DNAAF11: variants seen among roughly 807,000 people sequenced by gnomAD.
DNAAF11 encodes leucine rich repeat containing 6.
DNAAF11 carries 45 observed loss-of-function variants against 60.8 expected under a neutral mutation model. That is an observed-to-expected ratio of 0.74 (90% CI 0.58 to 0.95). The LOEUF (loss-of-function observed/expected upper bound fraction) is 0.95. DNAAF11 is among the 40% of genes least tolerant of loss of function. DNAAF11 has a pLI of 0.00. For missense variants in DNAAF11, 546 were observed against 546.2 expected, an observed-to-expected ratio of 1.00 and a Z score of 0.00; for synonymous variants, 191 against 183.5, an observed-to-expected ratio of 1.04 and a Z score of -0.33.
chr8:132,674,169 G>A (rs979411140), intron 1 of DNAAF11, among the ~76,000 whole-genome samples: 1 of 139,462 alleles, frequency 7.2e-6, no homozygotes, highest in Non-Finnish European at 1.6e-5. Flanking sequence ...GAAGGAGAAG[G>A]AGGAGGAGGA....
chr8:132,575,666 C>G (rs1814670111), intron 11 of DNAAF11, among the ~76,000 whole-genome samples: 1 of 152,172 alleles, frequency 6.6e-6, no homozygotes, highest in African/African-American at 2.4e-5. Context: ...AACTTGGCAT[C>G]TGGCACTGGG....
At chr8:132,665,838 A>G (rs1824572359) in intron 1 of DNAAF11, among the ~76,000 whole-genome samples, 1 of 152,256 alleles carries the variant, frequency 6.6e-6, no homozygotes, top group Non-Finnish European at 1.5e-5. Context: ...AAAGTAATGT[A>G]TTCAACCCAA....
At chr8:132,693,522 T>C in the DNAAF11 span, among the ~76,000 whole-genome samples, 2 of 151,776 alleles carry the variant, frequency 1.3e-5, no homozygotes, top group South Asian at 2.1e-4. Flanking sequence ...TTCTTGGTGT[T>C]GGAGATACAG....
chr8:132,696,485 C>T, the DNAAF11 span, among the ~76,000 whole-genome samples: 1 of 152,052 alleles, frequency 6.6e-6, no homozygotes, highest in Non-Finnish European at 1.5e-5. Flanking sequence ...CAGCATTTTT[C>T]ATAACCAAAG....
At chr8:132,595,481 T>C (rs928147365) in intron 10 of DNAAF11, among the ~76,000 whole-genome samples, 3 of 149,794 alleles carry the variant, frequency 2.0e-5, no homozygotes, top group Non-Finnish European at 1.5e-5. Context: ...GAAGTCTGAA[T>C]ATATTTCAAG....
chr8:132,658,096 A>G (rs1373311652), intron 2 of DNAAF11, among the ~76,000 whole-genome samples: 1 of 152,172 alleles, frequency 6.6e-6, no homozygotes, highest in Non-Finnish European at 1.5e-5. Context: ...CCCTATCACC[A>G]CTAATAGTTA....
chr8:132,661,825 G>A (rs1263565953), intron 1 of DNAAF11, among the ~76,000 whole-genome samples, 198 bp from the exon 2 acceptor site: 3 of 152,180 alleles, frequency 2.0e-5, no homozygotes, highest in Non-Finnish European at 4.4e-5. Flanking sequence ...GTGAGCTGGA[G>A]AGAAGAAGAA....
intron 1 of DNAAF11, among the ~76,000 whole-genome samples, chr8:132,664,497 G>A (rs975261074): frequency 6.6e-6 from 1 of 152,160 alleles, no homozygotes; most frequent in African/African-American, 2.4e-5. Flanking sequence ...TTGAGACACG[G>A]TCTCACTCTG....
intron 10 of DNAAF11, among the ~76,000 whole-genome samples, chr8:132,586,481 T>C (rs774881956): frequency 6.6e-5 from 10 of 152,196 alleles, no homozygotes; most frequent in Non-Finnish European, 8.8e-5. Flanking sequence ...CCATGTGTGT[T>C]GGTCATGTGA....
intron 5 of DNAAF11, among the ~76,000 whole-genome samples, chr8:132,631,125 T>A (rs939057528): frequency 1.3e-5 from 2 of 152,204 alleles, no homozygotes; most frequent in Non-Finnish European, 2.9e-5. Flanking sequence ...TTATTGGGCA[T>A]CTTCTGTTGT....
At chr8:132,628,572 T>A (rs552470814) in intron 5 of DNAAF11, among the ~76,000 whole-genome samples, 60 of 152,306 alleles carry the variant, frequency 3.9e-4, no homozygotes, top group Admixed American at 8.5e-4. Flanking sequence ...AAGAGGTAGA[T>A]GTTCATCTCC....
the DNAAF11 span, among the ~76,000 whole-genome samples, chr8:132,696,108 C>A: frequency 6.6e-6 from 1 of 152,078 alleles, no homozygotes; most frequent in African/African-American, 2.4e-5. Context: ...AGTGCATATG[C>A]CTAACTTGGG....
At chr8:132,605,977 C>A (rs1446513225) in intron 10 of DNAAF11, among the ~76,000 whole-genome samples, 1 of 152,028 alleles carries the variant, frequency 6.6e-6, no homozygotes. Flanking sequence ...GGGGACTCTG[C>A]CTTTAACTCT....
chr8:132,625,261 G>T lies in DNAAF11; in HGVS notation c.836+11C>A. 3 of 1,586,120 alleles carry T rather than the reference G, an allele frequency of 1.9e-6. No homozygotes were observed. Among genetic ancestry groups the T allele is most frequent in the Non-Finnish European group, 2.6e-6 (3 of 1,166,250 alleles). On this transcript the variant is annotated intron_variant, in intron 6 of 11. Coordinates refer to ENST00000620350, the MANE Select transcript of DNAAF11 (RefSeq NM_012472.6). ...GCTACTGCTTCCCTCTCCTAGGAAA[G>T]AATGAAATACCTTAATTTTTCCTGT...
chr8:132,591,033 G>T (rs1187266405), intron 10 of DNAAF11, among the ~76,000 whole-genome samples: 1 of 151,986 alleles, frequency 6.6e-6, no homozygotes, highest in Non-Finnish European at 1.5e-5. Flanking sequence ...TTTTATCATG[G>T]TGTCTACCCA....
At chr8:132,696,589 T>C in the DNAAF11 span, among the ~76,000 whole-genome samples, 325 of 152,200 alleles carry the variant, frequency 2.1e-3, 2 homozygotes, top group African/African-American at 7.4e-3. Context: ...TAAAAAGTAA[T>C]GAAGTAGAGA....
chr8:132,575,521 C>A (rs867600108), intron 11 of DNAAF11, among the ~76,000 whole-genome samples: 2 of 152,072 alleles, frequency 1.3e-5, no homozygotes, highest in Non-Finnish European at 2.9e-5. Flanking sequence ...ATGAGGAGGA[C>A]ACACGTATAC....
At chr8:132,640,840 G>A (rs1821783475) in intron 3 of DNAAF11, among the ~76,000 whole-genome samples, 1 of 152,062 alleles carries the variant, frequency 6.6e-6, no homozygotes, top group African/African-American at 2.4e-5. Context: ...AAAGAAAAGA[G>A]GAGTCTGGAA....
intron 3 of DNAAF11, among the ~76,000 whole-genome samples, chr8:132,642,373 C>A (rs1300804049): frequency 6.6e-6 from 1 of 152,238 alleles, no homozygotes; most frequent in Non-Finnish European, 1.5e-5. Context: ...CATGTGCACT[C>A]ATGCTATTTC....
Sources: gnomAD v4.1 joint callset for allele counts (sites outside exome capture counted in the v4.1 genomes callset) on GRCh38, gnomAD v4.1.1 for gene constraint, MANE v1.5 for transcripts, NCBI Gene and HGNC (gene_info 2026-07-23, HGNC 2026-07-21) for gene names.